Variants in ANTXR1 observed in about 807,000 individuals in gnomAD.
ANTXR1 encodes the protein ANTXR cell adhesion molecule 1.
ANTXR1 carries 19 observed loss-of-function variants against 78.1 expected under a neutral mutation model. That is an observed-to-expected ratio of 0.24 (90% CI 0.17 to 0.36). ANTXR1 has a LOEUF of 0.36. Among genes scored for constraint, ANTXR1 ranks in the 10% least tolerant of loss-of-function variants. ANTXR1 has a pLI of 1.00. For missense variants in ANTXR1, 518 were observed against 718.6 expected (o/e 0.72, Z 3.19); for synonymous variants, 273 against 260.5 (o/e 1.05, Z -0.46).
chr2:69,052,847 T>G (rs1176178837), intron 3 of ANTXR1, among the ~76,000 whole-genome samples: 1 of 151,300 alleles, frequency 6.6e-6, no homozygotes, highest in Non-Finnish European at 1.5e-5. Flanking sequence ...TCTAAGTTGT[T>G]TATTTTGTTT....
chr2:69,086,232 C>T lies in ANTXR1; in HGVS notation c.643-4627C>T, dbSNP rs554306787. 1.2e-4 allele frequency among the ~76,000 whole-genome samples: 19 copies of T among 152,348 alleles called. No individual in the cohort carries two copies. In the South Asian group the frequency reaches 3.7e-3, roughly 30 times the overall value. ...GATAAGGGAGGGATTCCTTATAACTCTGTGCAGATATTCACAGTTCTGTAA... is the reference window on the plus strand; with the variant it reads ...GATAAGGGAGGGATTCCTTATAACTTTGTGCAGATATTCACAGTTCTGTAA... On this transcript the variant is annotated intron_variant, in intron 8 of 17. Transcript: ENST00000303714.
intron 1 of ANTXR1, among the ~76,000 whole-genome samples, chr2:69,027,491 T>C (rs1194136274): frequency 6.6e-6 from 1 of 152,162 alleles, no homozygotes; most frequent in African/African-American, 2.4e-5. Flanking sequence ...TGGAAATGAC[T>C]GGGGTTGATT....
Position 69,031,372 on chromosome 2 carries a change from GCTTAT to G in ANTXR1, c.153-8667_153-8663del, listed in dbSNP as rs1671526830. ...TACCCTAGGTTCTGCAAATTATGTA[GCTTAT>G]CTTAATTGATACAAAGAAAAATGAA... On this transcript the variant is annotated intron_variant, in intron 1 of 17. Transcript: ENST00000303714. Among the ~76,000 whole-genome samples the G allele has an allele frequency of 3.3e-5, 5 of 152,218 alleles. No individual in the cohort carries two copies. The Middle Eastern group carries it at 0.014, about 414-fold the overall frequency.
intron 12 of ANTXR1, among the ~76,000 whole-genome samples, chr2:69,138,065 C>CAACAGCA (rs1672964763): frequency 8.1e-6 from 1 of 123,180 alleles, no homozygotes; most frequent in Admixed American, 9.9e-5. Flanking sequence ...GCCGAGGCGA[C>CAACAGCA]AACAGCAAGA....
rs182211203 is a variant in ANTXR1 at position 69,235,126 on chromosome 2, C to T, written c.1435-10099C>T. On this transcript the variant is annotated intron_variant, in intron 17 of 17. Coordinates refer to ENST00000303714, the MANE Select transcript of ANTXR1 (RefSeq NM_032208.3). ...GCAACCTCCACCTCCTGGGTTCAAG[C>T]GATTCTCCTGCCTCAGCCTCCTAAG... Among the ~76,000 whole-genome samples the T allele has an allele frequency of 7.1e-3, 1,060 of 148,658 alleles. 9 individuals are homozygous for T. The highest frequency in any genetic ancestry group is 0.025 in the African/African-American group (997 of 40,230).
intron 9 of ANTXR1, among the ~76,000 whole-genome samples, chr2:69,096,170 A>G (rs1176948141): frequency 6.6e-6 from 1 of 151,658 alleles, no homozygotes; most frequent in Non-Finnish European, 1.5e-5. Flanking sequence ...AGGCAGGAGA[A>G]TGGCATGAAC....
At chr2:69,110,974 C>A (rs145957497) in intron 10 of ANTXR1, among the ~76,000 whole-genome samples, 108 of 152,316 alleles carry the variant, frequency 7.1e-4, no homozygotes, top group African/African-American at 2.3e-3. Flanking sequence ...CAGCCATCAC[C>A]TCTGAATGAA....
intron 12 of ANTXR1, chr2:69,146,163 C>T (rs1052631620): frequency 2.4e-5 from 24 of 985,332 alleles, no homozygotes; most frequent in East Asian, 2.3e-4. Context: ...TCCTTAATAG[C>T]GGGCCTCTGT....
At chr2:69,218,881 A>C (rs1675244774) in intron 17 of ANTXR1, among the ~76,000 whole-genome samples, 1 of 152,142 alleles carries the variant, frequency 6.6e-6, no homozygotes, top group Non-Finnish European at 1.5e-5. Context: ...CTCAAGGCAG[A>C]AGGAGTATAA....
intron 12 of ANTXR1, among the ~76,000 whole-genome samples, chr2:69,133,985 G>A (rs1475460344): frequency 1.3e-5 from 2 of 152,198 alleles, no homozygotes; most frequent in Admixed American, 1.3e-4. Context: ...CTGGCACACA[G>A]TAGATGCCCA....
At chr2:69,152,888 A>C (rs895614168) in intron 13 of ANTXR1, among the ~76,000 whole-genome samples, 2 of 152,270 alleles carry the variant, frequency 1.3e-5, no homozygotes, top group African/African-American at 4.8e-5. Flanking sequence ...TCACATGACA[A>C]TGTCTCCCCA....
At chr2:69,212,423 G>T (rs1675065029) in intron 17 of ANTXR1, among the ~76,000 whole-genome samples, 1 of 152,314 alleles carries the variant, frequency 6.6e-6, no homozygotes, top group Non-Finnish European at 1.5e-5. Flanking sequence ...CTCCCAGGAG[G>T]TGTTCCTGGC....
intron 14 of ANTXR1, among the ~76,000 whole-genome samples, chr2:69,179,866 CATAAATTCA>C (rs1279572610): frequency 6.6e-6 from 1 of 152,178 alleles, no homozygotes; most frequent in Non-Finnish European, 1.5e-5. Context: ...GGAAAGGCTG[CATAAATTCA>C]ATGGTGTGTT....
At chr2:69,187,570 A>C (rs956959280) in intron 16 of ANTXR1, among the ~76,000 whole-genome samples, 1 of 131,898 alleles carries the variant, frequency 7.6e-6, no homozygotes, top group Admixed American at 7.6e-5. Flanking sequence ...GGGTCACACT[A>C]TTTATCATGT....
At chr2:69,091,923 G>A (rs532930575) in intron 9 of ANTXR1, among the ~76,000 whole-genome samples, 6 of 152,272 alleles carry the variant, frequency 3.9e-5, no homozygotes, top group South Asian at 2.1e-4. Flanking sequence ...GGCGCTTCTC[G>A]TATAATTCTT....
intron 3 of ANTXR1, among the ~76,000 whole-genome samples, chr2:69,069,820 C>T (rs1670513166): frequency 6.6e-6 from 1 of 152,138 alleles, no homozygotes; most frequent in South Asian, 2.1e-4. Flanking sequence ...AGAGCATCTC[C>T]ACCCTGTACC....
At chr2:69,051,386 T>C (rs997323618) in intron 3 of ANTXR1, among the ~76,000 whole-genome samples, 3 of 152,194 alleles carry the variant, frequency 2.0e-5, no homozygotes, top group African/African-American at 7.2e-5. Context: ...TTTATACATT[T>C]TGACATGTCC....
chr2:69,091,182 G>A (rs535730643), intron 9 of ANTXR1, among the ~76,000 whole-genome samples: 102 of 151,686 alleles, frequency 6.7e-4, no homozygotes, highest in African/African-American at 2.4e-3. Context: ...CCTTATGCCT[G>A]TAATCCAAGC....
chr2:69,091,725 A>T (rs1361521577), intron 9 of ANTXR1, among the ~76,000 whole-genome samples: 2 of 152,218 alleles, frequency 1.3e-5, no homozygotes, highest in African/African-American at 2.4e-5. Flanking sequence ...TTAATCTGCC[A>T]GTCCTCACAC....
Sources: allele counts gnomAD v4.1 joint callset (sites outside exome capture counted in the v4.1 genomes callset), GRCh38; gene constraint gnomAD v4.1.1; transcripts MANE v1.5; gene names NCBI Gene and HGNC (gene_info 2026-07-23, HGNC 2026-07-21).